PANK2: variants seen among roughly 807,000 people sequenced by gnomAD.
PANK2 encodes the protein pantothenate kinase 2, also known as pantothenate kinase 2, mitochondrial.
PANK2 carries 36 observed loss-of-function variants against 43.1 expected under a neutral mutation model. That is an observed-to-expected ratio of 0.84 (90% CI 0.64 to 1.10). The LOEUF is 1.10. Among genes scored for constraint, PANK2 ranks in the 50% least tolerant of loss-of-function variants. The pLI, the probability that PANK2 is intolerant of heterozygous loss-of-function variation, is 0.00. For synonymous variants in PANK2, 281 were observed against 238.2 expected (o/e 1.18, Z -1.66); for missense variants, 576 against 593.3 (o/e 0.97, Z 0.30).
Position 3,923,290 on chromosome 20 carries a change from C to T in PANK2, c.1379C>T (p.Pro460Leu), listed in dbSNP as rs41279408. Residue 460 changes from proline (P) to leucine (L), a missense_variant, in exon 7 of 7, where the codon CCG becomes CTG. Physicochemically the swap from Pro to Leu is moderately conservative, Grantham distance 98. Coordinates refer to ENST00000610179, the MANE Select transcript of PANK2 (RefSeq NM_001386393.1). ...GCACTCCTTGAGCTGTTGAAGATCC[C>T]GTGATCATTACCTGGGGAGGGGTTC... The T allele has an allele frequency of 1.4e-4, 230 of 1,614,100 alleles. No individual in the cohort carries two copies. Among genetic ancestry groups the T allele is most frequent in the Middle Eastern group, 5.0e-4 (3 of 6,060 alleles).
At chr20:3,913,974 A>G (rs1292461986) in intron 4 of PANK2, among the ~76,000 whole-genome samples, 6 of 151,628 alleles carry the variant, frequency 4.0e-5, no homozygotes, top group Non-Finnish European at 5.9e-5. Context: ...TATTTTTAGC[A>G]GAGATGGGGT....
chr20:3,915,112 G>T (rs545209306), intron 4 of PANK2, among the ~76,000 whole-genome samples: 2 of 152,120 alleles, frequency 1.3e-5, no homozygotes, highest in Admixed American at 6.6e-5. Context: ...GTCCTTTGCA[G>T]CATGGAAATT....
rs760705943 is a variant in PANK2, at chr20:3,916,921, TCA to T, written c.1083-3_1083-2del. On this transcript the variant is annotated splice_polypyrimidine_tract_variant and splice_region_variant and intron_variant, in intron 4 of 6. Transcript: ENST00000610179. ...TAGCAATGGGATTTTTTTTCCCCCATCACAGCTTTGGAAACATGATGAGCAAG... is the reference window on the plus strand; with the variant it reads ...TAGCAATGGGATTTTTTTTCCCCCATCAGCTTTGGAAACATGATGAGCAAG... The T allele has an allele frequency of 2.1e-5, 34 of 1,593,420 alleles. No homozygotes were observed. In the Admixed American group the frequency reaches 5.6e-4, roughly 26 times the overall value.
chr20:3,906,762 TC>T (rs1274636578), intron 1 of PANK2, among the ~76,000 whole-genome samples: 1 of 152,152 alleles, frequency 6.6e-6, no homozygotes, highest in Non-Finnish European at 1.5e-5. Flanking sequence ...ATTGGGACCT[TC>T]CATATGTCTG....
At chr20:3,893,931 GTTTTTT>G (rs374582085) in intron 1 of PANK2, among the ~76,000 whole-genome samples, 1 of 73,164 alleles carries the variant, frequency 1.4e-5, no homozygotes, top group African/African-American at 4.1e-5. Context: ...TTTGTTTTTT[GTTTTTT>G]TTTTTTTTTT....
chr20:3,894,312 C>T (rs1244687134), intron 1 of PANK2, among the ~76,000 whole-genome samples: 1 of 151,954 alleles, frequency 6.6e-6, no homozygotes. Flanking sequence ...GTGATCTCGG[C>T]TCACCACAAC....
rs1173352133 is a variant in PANK2, at chr20:3,910,499, T to C, written c.652-78T>C. ...GCACTTTCATGGTTGTTTCACGTAG[T>C]GGGGATGCCTTATTGAATGGAATTT... On this transcript the variant is annotated intron_variant, in intron 2 of 6. Transcript: ENST00000610179. 12 of 1,501,290 alleles carry C rather than the reference T, an allele frequency of 8.0e-6. No individual in the cohort carries two copies. In the African/African-American group the frequency reaches 1.7e-4, roughly 21 times the overall value. The allele number at this position is 1,501,290 out of a possible 1,614,324, so 93.0% of individuals were successfully genotyped here. A position where few individuals can be genotyped will look rare whatever the true frequency, so the allele number is the denominator to read the frequency against.
intron 3 of PANK2, among the ~76,000 whole-genome samples, chr20:3,911,268 AT>A (rs1274086226): frequency 6.6e-6 from 1 of 152,184 alleles, no homozygotes; most frequent in African/African-American, 2.4e-5. Context: ...CAGTAGAAAA[AT>A]TATTGAGGGA....
At chr20:3,907,261 C>G (rs2090403020) in intron 1 of PANK2, among the ~76,000 whole-genome samples, 1 of 151,924 alleles carries the variant, frequency 6.6e-6, no homozygotes, top group South Asian at 2.1e-4. Context: ...GTCACCATGC[C>G]TGGCTAATTT....
chr20:3,902,392 C>T (rs1451328031), intron 1 of PANK2, among the ~76,000 whole-genome samples: 1 of 151,604 alleles, frequency 6.6e-6, no homozygotes, highest in Non-Finnish European at 1.5e-5. Flanking sequence ...TACAGTGGGA[C>T]AATCTTGGCT....
chr20:3,912,455 T>C lies in PANK2; in HGVS notation c.906-3T>C, dbSNP rs767488685. On this transcript the variant is annotated splice_region_variant and splice_polypyrimidine_tract_variant and intron_variant, in intron 3 of 6. Coordinates refer to ENST00000610179, the MANE Select transcript of PANK2 (RefSeq NM_001386393.1). Reference sequence around the variant, plus strand: ...ATACTGTGTTAATTGTTTTTAATCATAGTCTTGGAGGAGGAACTTTTTTTG... The same window carrying C: ...ATACTGTGTTAATTGTTTTTAATCACAGTCTTGGAGGAGGAACTTTTTTTG... 2 of 1,613,972 alleles carry C rather than the reference T, an allele frequency of 1.2e-6. No individual in the cohort carries two copies. The highest frequency in any genetic ancestry group is 2.2e-5 in the South Asian group (2 of 91,082).
chr20:3,913,911 T>C (rs112693349), intron 4 of PANK2, among the ~76,000 whole-genome samples: 5,253 of 150,658 alleles, frequency 0.035, 305 homozygotes, highest in African/African-American at 0.12. Flanking sequence ...GCTTCAGCCT[T>C]CCAAGTAGCT....
intron 4 of PANK2, among the ~76,000 whole-genome samples, chr20:3,915,616 C>T (rs1446526886): frequency 6.6e-6 from 1 of 152,148 alleles, no homozygotes; most frequent in African/African-American, 2.4e-5. Flanking sequence ...TTATATTTAG[C>T]TCTTATATTT....
chr20:3,921,199 C>G lies in PANK2; in HGVS notation c.1333-2045C>G, dbSNP rs191205414. The G allele has an allele frequency of 5.5e-5, 8 of 146,534 alleles. 1 individual carries two copies. Among genetic ancestry groups the G allele is most frequent in the South Asian group, 4.6e-4 (2 of 4,346 alleles). 9.1% of individuals were successfully genotyped at this position (146,534 alleles called of 1,614,324 possible). A position where few individuals can be genotyped will look rare whatever the true frequency, so the allele number is the denominator to read the frequency against. On this transcript the variant is annotated intron_variant, in intron 6 of 6. Coordinates refer to ENST00000610179, the MANE Select transcript of PANK2 (RefSeq NM_001386393.1). ...ATATCTCCTAATGCTATCCCTCCCCCCTCCCCCCACCCCATGGCAGGCCCT... is the reference window on the plus strand; with the variant it reads ...ATATCTCCTAATGCTATCCCTCCCCGCTCCCCCCACCCCATGGCAGGCCCT...
At chr20:3,893,520 G>C (rs886793000) in intron 1 of PANK2, among the ~76,000 whole-genome samples, 6 of 152,298 alleles carry the variant, frequency 3.9e-5, no homozygotes, top group African/African-American at 1.4e-4. Flanking sequence ...CAGCAGGTGT[G>C]CAGAAGGTGT....
Position 3,908,216 on chromosome 20 carries a change from C to T in PANK2, c.589C>T (p.Leu197Phe). 6.2e-7 allele frequency: 1 copy of T among 1,613,564 alleles called. No individual in the cohort carries two copies. The highest frequency in any genetic ancestry group is 8.5e-7 in the Non-Finnish European group (1 of 1,180,030). Reference sequence around the variant, plus strand: ...GGGCAGAGATAAAAACTTCTCGAGTCTCCACACTGTCTTTTGTGCCACTGG... The same window carrying T: ...GGGCAGAGATAAAAACTTCTCGAGTTTCCACACTGTCTTTTGTGCCACTGG... The change falls in exon 2 of 7, where the codon CTC (leucine) becomes TTC (phenylalanine). Residue 197 changes from leucine to phenylalanine, a missense_variant. Physicochemically the swap from Leu to Phe is conservative, Grantham distance 22. Transcript: ENST00000610179.
At chr20:3,908,303 A>C (rs1293770901) in intron 2 of PANK2, 25 bp downstream of exon 2, 2 of 1,526,466 alleles carry the variant, frequency 1.3e-6, no homozygotes, top group Admixed American at 3.5e-5. Flanking sequence ...GCTTATATAC[A>C]ATTTATGGTA....
intron 1 of PANK2, among the ~76,000 whole-genome samples, chr20:3,903,779 C>T (rs1261485348): frequency 6.6e-6 from 1 of 151,892 alleles, no homozygotes; most frequent in Non-Finnish European, 1.5e-5. Context: ...AGGCATGTGC[C>T]ACCACGCCCG....
chr20:3,907,172 C>CA (rs1443305156), intron 1 of PANK2, among the ~76,000 whole-genome samples: 3 of 134,112 alleles, frequency 2.2e-5, no homozygotes, highest in African/African-American at 8.3e-5. Flanking sequence ...GGTGTGATCT[C>CA]AGCTCACTGC....
Sources: allele counts gnomAD v4.1 joint callset (sites outside exome capture counted in the v4.1 genomes callset), GRCh38; gene constraint gnomAD v4.1.1; transcripts MANE v1.5; gene names NCBI Gene and HGNC (gene_info 2026-07-23, HGNC 2026-07-21).